MCPH1: variants seen among roughly 807,000 people sequenced by gnomAD.
MCPH1 encodes microcephalin.
MCPH1 carries 104 observed loss-of-function variants against 84.5 expected under a neutral mutation model. That is an observed-to-expected ratio of 1.23 (90% CI 1.05 to 1.45). The LOEUF is 1.45. Ranked by LOEUF, MCPH1 falls within the 40% of genes most tolerant of loss-of-function variation. MCPH1 has a pLI of 0.00. For synonymous variants in MCPH1, 514 were observed against 366.8 expected, an observed-to-expected ratio of 1.40 and a Z score of -4.58; for missense variants, 1,498 against 1,005.7, an observed-to-expected ratio of 1.49 and a Z score of -6.62.
intron 9 of MCPH1, among the ~76,000 whole-genome samples, chr8:6,468,537 T>C (rs920717435): frequency 6.6e-6 from 1 of 152,178 alleles, no homozygotes; most frequent in African/African-American, 2.4e-5. Context: ...GCTTTAGTGT[T>C]AGATACCGAG....
intron 12 of MCPH1, among the ~76,000 whole-genome samples, chr8:6,568,687 C>G (rs1297675913): frequency 6.6e-6 from 1 of 152,228 alleles, no homozygotes; most frequent in Non-Finnish European, 1.5e-5. Context: ...ACATTGCTGC[C>G]CTGCATTTAT....
chr8:6,612,717 C>A (rs1434029522), intron 12 of MCPH1, among the ~76,000 whole-genome samples: 2 of 152,226 alleles, frequency 1.3e-5, no homozygotes, highest in African/African-American at 4.8e-5. Context: ...GCCGCTTCAC[C>A]TGCTTTTGCT....
At position 6,480,830 on chromosome 8, in the gene MCPH1, T is replaced by G. The variant is rs1809127386; in HGVS notation, c.2090T>G (p.Val697Gly). Residue 697 changes from valine (V) to glycine (G), a missense_variant, in exon 11 of 14, where the codon GTG becomes GGG. Physicochemically the swap from Val to Gly is moderately radical, Grantham distance 109. Transcript: ENST00000344683. The stretch of plus-strand genomic sequence containing the variant: ...GGGAAGCCACTTCGCACCCTGAATG[T>G]GCTGCTGGGAATTGCGCGTGGCTGC... Reference protein sequence around the residue: ...LSGKPLRTLNVLLGIARGCWV... With the variant: ...LSGKPLRTLNGLLGIARGCWV... 1 of 1,614,210 alleles carries G rather than the reference T, an allele frequency of 6.2e-7. No individual in the cohort carries two copies. Among genetic ancestry groups the G allele is most frequent in the African/African-American group, 1.3e-5 (1 of 75,052 alleles).
At chr8:6,521,166 A>G (rs954863440) in intron 12 of MCPH1, 18 of 1,604,620 alleles carry the variant, frequency 1.1e-5, no homozygotes, top group Admixed American at 8.3e-5. Context: ...AAAGCATGAT[A>G]TGTAAACTTA....
At chr8:6,625,369 A>T (rs1257108920) in intron 13 of MCPH1, 1 of 985,360 alleles carries the variant, frequency 1.0e-6, no homozygotes, top group African/African-American at 1.7e-5. Flanking sequence ...TGCCCCTTCG[A>T]CAAAGCACAT....
intron 12 of MCPH1, among the ~76,000 whole-genome samples, chr8:6,614,011 C>T (rs1830550775): frequency 1.3e-5 from 2 of 152,176 alleles, no homozygotes; most frequent in South Asian, 4.1e-4. Flanking sequence ...CCACAGGCTG[C>T]AGACATCGTT....
chr8:6,608,625 G>A (rs1829985633), intron 12 of MCPH1, among the ~76,000 whole-genome samples: 1 of 152,126 alleles, frequency 6.6e-6, no homozygotes, highest in South Asian at 2.1e-4. Flanking sequence ...TCGGTCCTTT[G>A]CTGTCATTAG....
intron 12 of MCPH1, among the ~76,000 whole-genome samples, chr8:6,505,708 C>T (rs117061773): frequency 0.041 from 5,236 of 126,946 alleles, 200 homozygotes; most frequent in Non-Finnish European, 0.061. Flanking sequence ...TTCTTTATTA[C>T]GTATATATAT....
chr8:6,519,953 A>C, intron 12 of MCPH1: 2 of 1,614,104 alleles, frequency 1.2e-6, no homozygotes, highest in Non-Finnish European at 1.7e-6. Context: ...CAGTCTCTGA[A>C]GCTGATTTGT....
In MCPH1 at chr8:6,486,172, G is replaced by A. The variant is rs537165709; in HGVS notation, c.2136+5296G>A. 1.1e-4 allele frequency among the ~76,000 whole-genome samples: 16 copies of A among 152,070 alleles called. No individual in the cohort carries two copies. The South Asian group carries it at 3.3e-3, about 32-fold the overall frequency. On this transcript the variant is annotated intron_variant, in intron 11 of 13. Transcript: ENST00000344683. ...TATCTATGTCTTGCATATAACTTCA[G>A]ATATAAACTTCACAGTTCCAATTTC...
chr8:6,602,149 G>C (rs1274296454), intron 12 of MCPH1, among the ~76,000 whole-genome samples: 1 of 152,214 alleles, frequency 6.6e-6, no homozygotes, highest in East Asian at 1.9e-4. Context: ...TGAGAGCCAA[G>C]CTCAGGAAAA....
chr8:6,541,024 C>T (rs535674283), intron 12 of MCPH1, among the ~76,000 whole-genome samples: 6 of 127,482 alleles, frequency 4.7e-5, no homozygotes, highest in South Asian at 5.4e-4. Context: ...GCTGTGCTTG[C>T]GAGAGTGCCG....
chr8:6,439,519 G>T (rs1319973716), intron 6 of MCPH1, among the ~76,000 whole-genome samples: 1 of 151,238 alleles, frequency 6.6e-6, no homozygotes, highest in African/African-American at 2.4e-5. Flanking sequence ...CGAGTAGCTG[G>T]GATTACAGGC....
intron 3 of MCPH1, among the ~76,000 whole-genome samples, chr8:6,415,587 C>G (rs995669542): frequency 3.3e-5 from 5 of 152,084 alleles, no homozygotes; most frequent in Non-Finnish European, 5.9e-5. Flanking sequence ...CTTCTGACCT[C>G]AGGTGATCCA....
At chr8:6,513,041 C>T (rs1335640354) in intron 12 of MCPH1, among the ~76,000 whole-genome samples, 1 of 152,230 alleles carries the variant, frequency 6.6e-6, no homozygotes, top group Non-Finnish European at 1.5e-5. Flanking sequence ...TTATGCTATT[C>T]ATGTGACATA....
intron 4 of MCPH1, among the ~76,000 whole-genome samples, chr8:6,432,193 C>G (rs1257957153): frequency 6.6e-6 from 1 of 152,214 alleles, no homozygotes; most frequent in East Asian, 1.9e-4. Flanking sequence ...TAGTCTCAAA[C>G]TCCTGGCCCC....
In MCPH1 at chr8:6,445,565, TC is replaced by T; in HGVS notation, c.1825+20del. 6.4e-7 allele frequency: 1 copy of T among 1,560,438 alleles called. No individual in the cohort carries two copies. The highest frequency in any genetic ancestry group is 8.6e-7 in the Non-Finnish European group (1 of 1,157,470). ...CAGTGGAAGTATGTGAATCTCCTTT[TC>T]CAAGTCACCTTCGCTAAATAAACAT... is the stretch of plus-strand genomic sequence containing the variant. On this transcript the variant is annotated intron_variant, in intron 8 of 13. Coordinates refer to ENST00000344683, the MANE Select transcript of MCPH1 (RefSeq NM_024596.5).
At chr8:6,532,198 T>C in intron 12 of MCPH1, 1 of 1,064,350 alleles carries the variant, frequency 9.4e-7, no homozygotes, top group Non-Finnish European at 1.4e-6. Context: ...CTTAATTTCT[T>C]ATCAATTCAT....
intron 13 of MCPH1, chr8:6,635,483 T>C (rs1456812180): frequency 1.3e-5 from 2 of 152,098 alleles, no homozygotes; most frequent in Non-Finnish European, 1.5e-5. Context: ...TAGTCCCAGC[T>C]GTGTGGGAGG....
Sources: allele counts gnomAD v4.1 joint callset (sites outside exome capture counted in the v4.1 genomes callset), GRCh38; gene constraint gnomAD v4.1.1; transcripts MANE v1.5; gene names NCBI Gene and HGNC (gene_info 2026-07-23, HGNC 2026-07-21).